Variants in RFX3 observed in about 807,000 individuals in gnomAD.
RFX3 encodes regulatory factor X3.
RFX3 carries 14 observed loss-of-function variants against 98.6 expected under a neutral mutation model. That is an observed-to-expected ratio of 0.14 (90% CI 0.09 to 0.22). The LOEUF (loss-of-function observed/expected upper bound fraction) is 0.22, where lower values mean the gene tolerates loss of function less well. RFX3 is among the 10% of genes least tolerant of loss of function. The pLI is 1.00. For synonymous variants in RFX3, 383 were observed against 328.4 expected, an observed-to-expected ratio of 1.17 and a Z score of -1.80; for missense variants, 639 against 926.9, an observed-to-expected ratio of 0.69 and a Z score of 4.03.
At chr9:3,505,165 T>TC (rs1286518248) in intron 1 of RFX3, among the ~76,000 whole-genome samples, 4 of 98,696 alleles carry the variant, frequency 4.1e-5, no homozygotes, top group Non-Finnish European at 7.1e-5. Flanking sequence ...TGAAATATAT[T>TC]TTATATTCAT....
intron 1 of RFX3, among the ~76,000 whole-genome samples, chr9:3,427,322 AAT>A (rs1231514022): frequency 7.0e-6 from 1 of 142,582 alleles, no homozygotes. Context: ...ATAATAATAC[AAT>A]ATATAAATAT....
intron 1 of RFX3, among the ~76,000 whole-genome samples, chr9:3,473,873 A>G (rs574600499): frequency 6.6e-6 from 1 of 152,256 alleles, no homozygotes; most frequent in Non-Finnish European, 1.5e-5. Flanking sequence ...ACTGCAAAAT[A>G]CTGCTGTTGA....
At chr9:3,398,931 A>T (rs1453222823) in intron 1 of RFX3, among the ~76,000 whole-genome samples, 3 of 148,846 alleles carry the variant, frequency 2.0e-5, no homozygotes, top group Non-Finnish European at 3.0e-5. Context: ...AAAAAAAAAA[A>T]AAAAAAAAAA....
intron 2 of RFX3, among the ~76,000 whole-genome samples, chr9:3,367,123 T>G (rs1315973540): frequency 6.6e-6 from 1 of 152,176 alleles, no homozygotes; most frequent in Non-Finnish European, 1.5e-5. Context: ...CCTCCCATGA[T>G]TATCTTACGT....
rs529736827 is a variant in RFX3 at position 3,285,950 on chromosome 9, G to GT, written c.851+2180dup. On this transcript the variant is annotated intron_variant, in intron 7 of 16. Transcript: ENST00000617270. ...ACTGGGCCTTACTTATGTAACTCAG[G>GT]TTTTTTTTATAAAGAATGTCCCTTG... Among the ~76,000 whole-genome samples, 950 of 151,486 alleles carry GT rather than the reference G, an allele frequency of 6.3e-3. 3 individuals carry two copies. The highest frequency in any genetic ancestry group is 1.0e-2 in the Non-Finnish European group (674 of 67,674).
At chr9:3,231,548 G>A (rs562504802) in intron 15 of RFX3, among the ~76,000 whole-genome samples, 1 of 152,232 alleles carries the variant, frequency 6.6e-6, no homozygotes, top group African/African-American at 2.4e-5. Flanking sequence ...GGGTAGGTAG[G>A]TTAGCAGAAA....
intron 1 of RFX3, among the ~76,000 whole-genome samples, chr9:3,511,578 G>T (rs1219388407): frequency 1.3e-5 from 2 of 151,962 alleles, no homozygotes; most frequent in Admixed American, 6.6e-5. Flanking sequence ...AGCAAACTTT[G>T]AAGGAAATAT....
chr9:3,370,017 A>ATT (rs1837650998), intron 2 of RFX3, among the ~76,000 whole-genome samples: 1 of 81,244 alleles, frequency 1.2e-5, no homozygotes, highest in Non-Finnish European at 2.6e-5. Context: ...TTTTTTTTGT[A>ATT]TTTTTAGTAG....
intron 7 of RFX3, among the ~76,000 whole-genome samples, chr9:3,277,862 T>C (rs1563847794): frequency 6.6e-6 from 1 of 151,984 alleles, no homozygotes; most frequent in African/African-American, 2.4e-5. Flanking sequence ...CTGAGAAATG[T>C]TGATGAATGG....
intron 1 of RFX3, among the ~76,000 whole-genome samples, chr9:3,443,646 A>T (rs1213260671): frequency 6.6e-6 from 1 of 152,318 alleles, no homozygotes; most frequent in South Asian, 2.1e-4. Context: ...TGCTATTGTG[A>T]ATAGTGCTGC....
chr9:3,500,852 T>C (rs1016041106), intron 1 of RFX3, among the ~76,000 whole-genome samples: 1 of 152,182 alleles, frequency 6.6e-6, no homozygotes, highest in Non-Finnish European at 1.5e-5. Context: ...CAATTATTAG[T>C]TGAGTATATT....
chr9:3,357,480 A>G (rs1835912466), intron 2 of RFX3, among the ~76,000 whole-genome samples: 1 of 152,050 alleles, frequency 6.6e-6, no homozygotes, highest in Admixed American at 6.6e-5. Flanking sequence ...TTTTGAATTT[A>G]AAGATAATAA....
chr9:3,308,191 T>TA (rs2130349198), intron 4 of RFX3, among the ~76,000 whole-genome samples: 1 of 152,236 alleles, frequency 6.6e-6, no homozygotes, highest in South Asian at 2.1e-4. Context: ...TATCTAACGT[T>TA]AGGATACATA....
At position 3,476,603 on chromosome 9, in the gene RFX3, T is replaced by G. The variant is rs115930649; in HGVS notation, c.-9+49144A>C. 5.3e-3 allele frequency among the ~76,000 whole-genome samples: 800 copies of G among 152,326 alleles called. 6 individuals carry two copies. The highest frequency in any genetic ancestry group is 0.018 in the African/African-American group (732 of 41,568). ...ATAAGGTAGTGATGCATTCATGTTG[T>G]ATTATAAATTCCAGAAGAGAACCAT... On this transcript the variant is annotated intron_variant, in intron 1 of 16. Transcript: ENST00000617270.
intron 14 of RFX3, among the ~76,000 whole-genome samples, chr9:3,255,547 G>T (rs866707849): frequency 9.2e-5 from 14 of 152,188 alleles, no homozygotes; most frequent in African/African-American, 3.1e-4. Context: ...CCAAATCAGT[G>T]GGGCCAGCTT....
At chr9:3,521,298 T>G (rs1411431292) in intron 1 of RFX3, among the ~76,000 whole-genome samples, 1 of 152,204 alleles carries the variant, frequency 6.6e-6, no homozygotes, top group Non-Finnish European at 1.5e-5. Context: ...ATATCAATCT[T>G]TATATTGTTA....
At chr9:3,437,271 CAA>C (rs970395036) in intron 1 of RFX3, among the ~76,000 whole-genome samples, 3 of 152,014 alleles carry the variant, frequency 2.0e-5, no homozygotes, top group African/African-American at 7.2e-5. Flanking sequence ...CCACTGTACT[CAA>C]GAGACATTTA....
At chr9:3,486,336 C>A (rs757168961) in intron 1 of RFX3, among the ~76,000 whole-genome samples, 1 of 152,034 alleles carries the variant, frequency 6.6e-6, no homozygotes, top group Non-Finnish European at 1.5e-5. Flanking sequence ...CAACAAGTTA[C>A]GGCTCTCTTT....
intron 1 of RFX3, among the ~76,000 whole-genome samples, chr9:3,509,906 C>T (rs569391179): frequency 6.6e-6 from 1 of 151,924 alleles, no homozygotes; most frequent in Non-Finnish European, 1.5e-5. Flanking sequence ...AAGTCACTTA[C>T]CCTCAGTTTT....
Sources: allele counts gnomAD v4.1 joint callset (sites outside exome capture counted in the v4.1 genomes callset), GRCh38; gene constraint gnomAD v4.1.1; transcripts MANE v1.5; gene names NCBI Gene and HGNC (gene_info 2026-07-23, HGNC 2026-07-21).